ZNF280C: variants seen among roughly 807,000 people sequenced by gnomAD.
The protein encoded by ZNF280C is suppressor of hairy wing homolog 3.
ZNF280C carries 14 observed loss-of-function variants against 53.6 expected under a neutral mutation model. The observed-to-expected ratio is 0.26, with a 90% CI of 0.17 to 0.41. ZNF280C has a LOEUF of 0.41. ZNF280C is among the 10% of genes least tolerant of loss of function. The pLI, the probability that ZNF280C is intolerant of heterozygous loss-of-function variation, is 1.00. For synonymous variants in ZNF280C, 203 were observed against 181.1 expected (o/e 1.12, Z -0.97); for missense variants, 416 against 547.1 (o/e 0.76, Z 2.39).
intron 2 of ZNF280C, among the ~76,000 whole-genome samples, 182 bp from the exon 3 acceptor site, chrX:130,247,187 CA>C (rs1403004766): frequency 8.9e-6 from 1 of 112,291 alleles, no homozygotes; most frequent in Non-Finnish European, 1.9e-5. Flanking sequence ...CGGCTCACTG[CA>C]ACCTCCGCCT....
rs983818482 is a variant in ZNF280C, at chrX:130,236,789, T to C, written c.494-150A>G. On this transcript the variant is annotated intron_variant, in intron 6 of 18. Coordinates refer to ENST00000370978, the MANE Select transcript of ZNF280C (RefSeq NM_017666.5). Reference sequence around the variant, plus strand: ...TAAAGGTAATATAATTTAATAAGCATATCATACAAATGACAATAAAGAATG... The same window carrying C: ...TAAAGGTAATATAATTTAATAAGCACATCATACAAATGACAATAAAGAATG... The C allele has an allele frequency of 4.3e-5, 15 of 352,573 alleles. No homozygotes were observed. In the East Asian group the frequency reaches 6.8e-4, roughly 16 times the overall value. 29.1% of individuals were successfully genotyped at this position (352,573 alleles called of 1,213,427 possible). A position where few individuals can be genotyped will look rare whatever the true frequency, so the allele number is the denominator to read the frequency against.
chrX:130,229,023 T>C lies in ZNF280C; in HGVS notation c.1101A>G (p.Gln367=), dbSNP rs1011078735. 11 of 1,205,574 alleles carry C rather than the reference T, an allele frequency of 9.1e-6. No homozygotes were observed. Among genetic ancestry groups the C allele is most frequent in the Non-Finnish European group, 1.1e-5 (10 of 893,086 alleles). ...GTGTACTCTCAATGTGGCACTGCAG[T>C]TGGAAGGGTGTGGGATATTGCCGGT... ...HCYRQYPTPF[Q]LQCHIESTHT... The change falls in exon 10 of 19, where the codon CAA becomes CAG. Residue 367 remains glutamine, a synonymous_variant. Coordinates refer to ENST00000370978, the MANE Select transcript of ZNF280C (RefSeq NM_017666.5).
chrX:130,261,065 T>C (rs185370822), intron 1 of ZNF280C, among the ~76,000 whole-genome samples: 406 of 112,221 alleles, frequency 3.6e-3, no homozygotes, highest in Non-Finnish European at 5.8e-3. Flanking sequence ...ATTGGATAAA[T>C]TGCGTAGTAA....
chrX:130,252,206 T>G (rs944304762), intron 2 of ZNF280C, among the ~76,000 whole-genome samples: 2 of 111,581 alleles, frequency 1.8e-5, no homozygotes, highest in Non-Finnish European at 3.8e-5. Flanking sequence ...GATGCAAAAA[T>G]CCTCAACAAA....
chrX:130,253,866 C>T (rs1276628411), intron 2 of ZNF280C, among the ~76,000 whole-genome samples: 1 of 111,885 alleles, frequency 8.9e-6, no homozygotes, highest in Non-Finnish European at 1.9e-5. Context: ...GACTTCATGA[C>T]AAAGACGTCA....
chrX:130,243,698 A>G lies in ZNF280C; in HGVS notation c.246T>C (p.Gly82=). The G allele has an allele frequency of 8.3e-7, 1 of 1,201,240 alleles. No individual in the cohort carries two copies. The highest frequency in any genetic ancestry group is 1.1e-6 in the Non-Finnish European group (1 of 890,050). Residue 82 remains glycine, a splice_region_variant and synonymous_variant, in exon 5 of 19, where the codon GGT becomes GGC. Coordinates refer to ENST00000370978, the MANE Select transcript of ZNF280C (RefSeq NM_017666.5). ...TTGCAGTCCTGAATATTTCAGGAATACCTGTATTTTAAAATTATACAACAT... is the reference window on the plus strand; with the variant it reads ...TTGCAGTCCTGAATATTTCAGGAATGCCTGTATTTTAAAATTATACAACAT... ...KGIKSEPHSP[G]IPEIFRTASQ... is the part of the protein sequence containing the mutation.
At chrX:130,247,055 T>C (rs779797718) in intron 2 of ZNF280C, 50 bp from the exon 3 acceptor site, 1 of 1,103,042 alleles carries the variant, frequency 9.1e-7, no homozygotes, top group South Asian at 2.0e-5. Context: ...GAGAAAAATA[T>C]TTTCTGTGCA....
intron 13 of ZNF280C, among the ~76,000 whole-genome samples, chrX:130,219,486 CAAAAAAAAAAA>C (rs11299878): frequency 6.1e-5 from 2 of 32,742 alleles, no homozygotes; most frequent in Non-Finnish European, 9.4e-5. Flanking sequence ...GACTCTGTCT[CAAAAAAAAAAA>C]AAAAAAAAAA....
intron 15 of ZNF280C, among the ~76,000 whole-genome samples, chrX:130,213,558 G>C (rs138414272): frequency 4.0e-3 from 450 of 112,056 alleles, no homozygotes; most frequent in African/African-American, 0.014. Context: ...AAGATATAAA[G>C]GATTTTAGGA....
chrX:130,232,664 C>A (rs1356456318), intron 8 of ZNF280C, among the ~76,000 whole-genome samples: 1 of 111,679 alleles, frequency 9.0e-6, no homozygotes, highest in Non-Finnish European at 1.9e-5. Context: ...ATTAGAACAG[C>A]TATATCAAAA....
intron 16 of ZNF280C, among the ~76,000 whole-genome samples, chrX:130,208,009 C>T (rs2031995400): frequency 9.0e-6 from 1 of 111,652 alleles, no homozygotes; most frequent in Admixed American, 9.5e-5. Flanking sequence ...TATAGGACTT[C>T]CTACGCTGTA....
intron 15 of ZNF280C, among the ~76,000 whole-genome samples, chrX:130,214,853 AT>A (rs1260727171): frequency 8.9e-6 from 1 of 112,189 alleles, no homozygotes; most frequent in Admixed American, 9.5e-5. Flanking sequence ...AGCTGATCAT[AT>A]TTATTTGATA....
chrX:130,209,803 A>G, intron 15 of ZNF280C, 88 bp from the exon 16 acceptor site: 1 of 713,175 alleles, frequency 1.4e-6, no homozygotes, highest in Non-Finnish European at 2.1e-6. Context: ...GCCAATGCTT[A>G]ATTTCTTAGT....
intron 2 of ZNF280C, among the ~76,000 whole-genome samples, chrX:130,258,877 T>C (rs2124716620): frequency 8.9e-6 from 1 of 111,891 alleles, no homozygotes; most frequent in South Asian, 3.7e-4. Flanking sequence ...ATTATGTGAC[T>C]CTGGAGAAAT....
intron 5 of ZNF280C, among the ~76,000 whole-genome samples, chrX:130,242,292 G>A (rs900288264): frequency 1.8e-5 from 2 of 111,225 alleles, no homozygotes; most frequent in African/African-American, 6.5e-5. Context: ...TCATAAAGAT[G>A]CCATAAGAAT....
intron 15 of ZNF280C, among the ~76,000 whole-genome samples, chrX:130,214,572 T>C (rs902933165): frequency 3.6e-5 from 4 of 111,391 alleles, no homozygotes; most frequent in Admixed American, 2.9e-4. Flanking sequence ...TAGGACCTCC[T>C]GCAGGTATCC....
chrX:130,237,601 T>C (rs1411702840), intron 6 of ZNF280C, among the ~76,000 whole-genome samples: 1 of 111,748 alleles, frequency 8.9e-6, no homozygotes, highest in Non-Finnish European at 1.9e-5. Context: ...AAACTGCATG[T>C]CGTGTTTTAA....
chrX:130,250,898 C>G (rs771089399), intron 2 of ZNF280C, among the ~76,000 whole-genome samples: 1 of 109,940 alleles, frequency 9.1e-6, no homozygotes, highest in African/African-American at 3.3e-5. Flanking sequence ...AGTTCGAGAC[C>G]GGCCTGGATA....
rs56669311 is a variant in ZNF280C at position 130,251,788 on chromosome X, GAA to G, written c.32-4785_32-4784del. ...TGGGAGGCAGCGCCAGACTTCGTCT[GAA>G]AAAAAAAAAAAAACAAAAACAAAAA... On this transcript the variant is annotated intron_variant, in intron 2 of 18. Coordinates refer to ENST00000370978, the MANE Select transcript of ZNF280C (RefSeq NM_017666.5). Among the ~76,000 whole-genome samples the G allele has an allele frequency of 1.8e-3, 146 of 81,491 alleles. 1 individual carries two copies. The highest frequency in any genetic ancestry group is 0.016 in the South Asian group (26 of 1,595). 70.8% of individuals were successfully genotyped at this position (81,491 alleles called of 115,157 possible). A position where few individuals can be genotyped will look rare whatever the true frequency, so the allele number is the denominator to read the frequency against.
Sources: gnomAD v4.1 joint callset for allele counts (sites outside exome capture counted in the v4.1 genomes callset) on GRCh38, gnomAD v4.1.1 for gene constraint, MANE v1.5 for transcripts, NCBI Gene and HGNC (gene_info 2026-07-23, HGNC 2026-07-21) for gene names.